The following OSBPL1A variants were observed in gnomAD, a reference collection of about 807,000 sequenced individuals.
OSBPL1A encodes the protein oxysterol-binding protein-related protein 1.
A neutral mutation model predicts 137.1 loss-of-function variants in OSBPL1A; 80 were observed. That is an observed-to-expected ratio of 0.58 (90% CI 0.49 to 0.70). The LOEUF is 0.70. Among genes scored for constraint, OSBPL1A ranks in the 30% least tolerant of loss-of-function variants. OSBPL1A has a pLI of 0.00. For missense variants in OSBPL1A, 970 were observed against 1,129.4 expected, an observed-to-expected ratio of 0.86 and a Z score of 2.02; for synonymous variants, 365 against 389.7, an observed-to-expected ratio of 0.94 and a Z score of 0.75.
intron 24 of OSBPL1A, among the ~76,000 whole-genome samples, chr18:24,169,926 C>T (rs541039267): frequency 6.6e-6 from 1 of 152,296 alleles, no homozygotes; most frequent in South Asian, 2.1e-4. Flanking sequence ...CGATAAGGAA[C>T]AAGGCAACAA....
At chr18:24,277,968 C>T (rs2089881188) in intron 15 of OSBPL1A, among the ~76,000 whole-genome samples, 1 of 152,208 alleles carries the variant, frequency 6.6e-6, no homozygotes, top group African/African-American at 2.4e-5. Flanking sequence ...CTGTGTTCCA[C>T]GCAGTATGCT....
rs1403647638 is a variant in OSBPL1A at position 24,314,271 on chromosome 18, T to A, written c.947A>T (p.Asn316Ile). Residue 316 changes from asparagine (N) to isoleucine (I), a missense_variant, in exon 12 of 28, where the codon AAT becomes ATT. Physicochemically the swap from Asn to Ile is moderately radical, Grantham distance 149. Around this residue, in one of 2 missense-constraint regions of OSBPL1A, gnomAD observed 647 missense variants for 672.6 expected, o/e 0.96. Coordinates refer to ENST00000319481, the MANE Select transcript of OSBPL1A (RefSeq NM_080597.4). ...DTIHGFRVPK[N>I]SLQQSREDWL... ...TACCTCTCTTGACTGCTGAAGGCTA[T>A]TCTTAGGAACCCGGAAGCCATGAAT... 1 of 1,608,898 alleles carries A rather than the reference T, an allele frequency of 6.2e-7. No homozygotes were observed. Among genetic ancestry groups the A allele is most frequent in the East Asian group, 2.2e-5 (1 of 44,806 alleles).
chr18:24,256,318 T>C (rs1363239628), intron 15 of OSBPL1A, among the ~76,000 whole-genome samples: 3 of 152,122 alleles, frequency 2.0e-5, no homozygotes, highest in African/African-American at 7.2e-5. Flanking sequence ...TGGTACAACA[T>C]ATGCAAATCA....
intron 13 of OSBPL1A, among the ~76,000 whole-genome samples, chr18:24,308,717 G>A (rs746674636): frequency 6.6e-6 from 1 of 152,082 alleles, no homozygotes; most frequent in Non-Finnish European, 1.5e-5. Context: ...TGTGGCTACT[G>A]AGCACTTGAA....
At chr18:24,239,549 T>C (rs2088613701) in intron 15 of OSBPL1A, among the ~76,000 whole-genome samples, 167 bp from the exon 16 acceptor site, 1 of 152,182 alleles carries the variant, frequency 6.6e-6, no homozygotes, top group Non-Finnish European at 1.5e-5. Context: ...ATTAAACTAA[T>C]TTTGTTCTTC....
intron 4 of OSBPL1A, among the ~76,000 whole-genome samples, chr18:24,344,243 G>C (rs566836468): frequency 2.9e-4 from 44 of 152,172 alleles, no homozygotes; most frequent in African/African-American, 9.6e-4. Context: ...TGAGGCCAGG[G>C]GTTTGAGACC....
chr18:24,360,302 A>G (rs2091602452), intron 4 of OSBPL1A, among the ~76,000 whole-genome samples: 1 of 152,224 alleles, frequency 6.6e-6, no homozygotes, highest in Non-Finnish European at 1.5e-5. Context: ...ATTCCAGAGG[A>G]TAAGAGTTTA....
At chr18:24,366,798 C>T (rs369791221) in intron 4 of OSBPL1A, 94 bp downstream of exon 4, 31 of 1,245,162 alleles carry the variant, frequency 2.5e-5, no homozygotes, top group African/African-American at 1.2e-4. Context: ...TGGCTTTCTT[C>T]GGTTGCTGGT....
At chr18:24,212,218 C>T (rs183548697) in intron 17 of OSBPL1A, among the ~76,000 whole-genome samples, 1,766 of 151,682 alleles carry the variant, frequency 0.012, 23 homozygotes, top group Non-Finnish European at 0.018. Flanking sequence ...AAGGCGCACA[C>T]CACCACACCT....
chr18:24,253,165 G>T (rs766622583), intron 15 of OSBPL1A, among the ~76,000 whole-genome samples: 5 of 20,684 alleles, frequency 2.4e-4, no homozygotes, highest in Non-Finnish European at 1.1e-3. Flanking sequence ...GAAAAGACAT[G>T]GCGGGGGGGG....
At chr18:24,227,058 A>T (rs2088107636) in intron 16 of OSBPL1A, among the ~76,000 whole-genome samples, 1 of 151,696 alleles carries the variant, frequency 6.6e-6, no homozygotes, top group Non-Finnish European at 1.5e-5. Flanking sequence ...TGCTCAGCTA[A>T]TTTTTTGTAT....
At chr18:24,367,094 T>A in intron 3 of OSBPL1A, 128 bp from the exon 4 acceptor site, 1 of 723,318 alleles carries the variant, frequency 1.4e-6, no homozygotes, top group Non-Finnish European at 2.0e-6. Context: ...AACAATAAAT[T>A]AAATTTAAAG....
At chr18:24,177,556 C>A (rs961336276) in intron 21 of OSBPL1A, among the ~76,000 whole-genome samples, 1 of 152,124 alleles carries the variant, frequency 6.6e-6, no homozygotes, top group Non-Finnish European at 1.5e-5. Context: ...TATGCTTATT[C>A]TCTCCTAACT....
At chr18:24,369,938 C>T (rs1453889838) in intron 2 of OSBPL1A, among the ~76,000 whole-genome samples, 2 of 152,194 alleles carry the variant, frequency 1.3e-5, no homozygotes, top group Non-Finnish European at 2.9e-5. Flanking sequence ...ACTCCCACTG[C>T]TGGCCGAGCA....
chr18:24,340,988 C>T (rs1000234240), intron 5 of OSBPL1A, among the ~76,000 whole-genome samples: 43 of 152,140 alleles, frequency 2.8e-4, no homozygotes, highest in African/African-American at 9.4e-4. Context: ...GATATTTTTT[C>T]TGAGGCCCAA....
intron 16 of OSBPL1A, among the ~76,000 whole-genome samples, chr18:24,228,743 T>C (rs545390416): frequency 6.6e-6 from 1 of 151,442 alleles, no homozygotes; most frequent in South Asian, 2.1e-4. Flanking sequence ...GGAGTAAGAG[T>C]GGGGATGAGG....
chr18:24,373,442 ATATT>A (rs1905834244), intron 2 of OSBPL1A, among the ~76,000 whole-genome samples: 1 of 152,184 alleles, frequency 6.6e-6, no homozygotes, highest in Non-Finnish European at 1.5e-5. Context: ...ATACGTATTA[ATATT>A]TATTTTATTT....
chr18:24,291,346 G>C (rs2090170983), intron 14 of OSBPL1A, among the ~76,000 whole-genome samples: 2 of 152,018 alleles, frequency 1.3e-5, no homozygotes, highest in Non-Finnish European at 2.9e-5. Context: ...AAAATTTCTA[G>C]AATTATAAAA....
At chr18:24,204,269 T>C (rs2087304396) in intron 17 of OSBPL1A, among the ~76,000 whole-genome samples, 1 of 152,236 alleles carries the variant, frequency 6.6e-6, no homozygotes, top group South Asian at 2.1e-4. Context: ...TATTTTACTT[T>C]GTTTTTCCTT....
Sources: allele counts gnomAD v4.1 joint callset (sites outside exome capture counted in the v4.1 genomes callset), GRCh38; gene constraint gnomAD v4.1.1; regional missense constraint gnomAD v4.1.1; transcripts MANE v1.5; gene names NCBI Gene and HGNC (gene_info 2026-07-23, HGNC 2026-07-21).